The following MAF variants were observed in gnomAD, a reference collection of about 807,000 sequenced individuals.
MAF encodes the protein transcription factor Maf.
In MAF, 10 loss-of-function variants were observed where a neutral mutation model predicts 22.0. The observed-to-expected ratio is 0.45, with a 90% confidence interval of 0.28 to 0.77. The LOEUF (loss-of-function observed/expected upper bound fraction) is 0.77, where lower values mean the gene tolerates loss of function less well. Among genes scored for constraint, MAF ranks in the 30% least tolerant of loss-of-function variants. The pLI is 0.12. For synonymous variants in MAF, 337 were observed against 255.8 expected (o/e 1.32, Z -3.03); for missense variants, 544 against 548.4 (o/e 0.99, Z 0.08).
At chr16:79,483,331 G>A in the MAF span, among the ~76,000 whole-genome samples, 4 of 140,230 alleles carry the variant, frequency 2.9e-5, no homozygotes, top group South Asian at 2.5e-4. Flanking sequence ...CACTGTGTGA[G>A]GAAATAGGGA....
the MAF span, among the ~76,000 whole-genome samples, chr16:79,477,428 G>A: frequency 2.0e-5 from 3 of 152,168 alleles, no homozygotes; most frequent in African/African-American, 7.2e-5. Context: ...GAGCCTGGCT[G>A]TCTTGCGTAG....
the MAF span, among the ~76,000 whole-genome samples, chr16:79,559,502 C>T: frequency 6.6e-6 from 1 of 152,158 alleles, no homozygotes; most frequent in Non-Finnish European, 1.5e-5. Context: ...GTTTCTCTGC[C>T]TTCCGTTCTA....
At chr16:79,498,204 T>C in the MAF span, among the ~76,000 whole-genome samples, 8 of 152,268 alleles carry the variant, frequency 5.3e-5, no homozygotes, top group East Asian at 1.4e-3. Flanking sequence ...CCATAGATTA[T>C]AACAACTTAG....
chr16:79,272,200 G>T, the MAF span, among the ~76,000 whole-genome samples: 343 of 152,318 alleles, frequency 2.3e-3, 1 homozygote, highest in Middle Eastern at 0.014. Flanking sequence ...CTCTGAACGC[G>T]CTCAGAGACA....
the MAF span, among the ~76,000 whole-genome samples, chr16:79,410,490 C>T: frequency 6.6e-6 from 1 of 152,198 alleles, no homozygotes; most frequent in Non-Finnish European, 1.5e-5. Flanking sequence ...CCTATGTGGT[C>T]CACAGATAAT....
the MAF span, among the ~76,000 whole-genome samples, chr16:79,381,803 G>C: frequency 5.9e-5 from 9 of 152,260 alleles, no homozygotes; most frequent in East Asian, 1.7e-3. Context: ...GAACACATTG[G>C]CCCTGATTGG....
the MAF span, among the ~76,000 whole-genome samples, chr16:79,222,757 G>A: frequency 6.6e-6 from 1 of 152,054 alleles, no homozygotes; most frequent in Non-Finnish European, 1.5e-5. Context: ...AAACCAACAA[G>A]ATCAAAAGAG....
the MAF span, among the ~76,000 whole-genome samples, chr16:79,401,577 T>A: frequency 1.2e-4 from 19 of 152,230 alleles, 1 homozygote; most frequent in Middle Eastern, 3.4e-3. Flanking sequence ...GACATTAAAT[T>A]AATTAGTGGA....
the MAF span, among the ~76,000 whole-genome samples, chr16:79,364,920 A>C: frequency 6.6e-6 from 1 of 152,226 alleles, no homozygotes; most frequent in Non-Finnish European, 1.5e-5. Flanking sequence ...GCATTCAGTG[A>C]TTCAAGAGTT....
At chr16:79,510,566 A>G in the MAF span, among the ~76,000 whole-genome samples, 1 of 152,104 alleles carries the variant, frequency 6.6e-6, no homozygotes, top group Non-Finnish European at 1.5e-5. Context: ...CACACTTTTA[A>G]GGCAGTTGCT....
intron 1 of MAF, chr16:79,597,067 C>A: frequency 9.5e-7 from 1 of 1,057,612 alleles, no homozygotes; most frequent in South Asian, 4.6e-5. Context: ...ATAGCAAAGA[C>A]TACACATACC....
the MAF span, among the ~76,000 whole-genome samples, chr16:79,485,374 A>G: frequency 6.6e-6 from 1 of 152,128 alleles, no homozygotes; most frequent in African/African-American, 2.4e-5. Context: ...CTTCTCTGTC[A>G]CCCATTTGTT....
chr16:79,445,327 G>A, the MAF span, among the ~76,000 whole-genome samples: 4 of 152,278 alleles, frequency 2.6e-5, no homozygotes, highest in South Asian at 2.1e-4. Context: ...ACAGGCGTGA[G>A]CCACTGCGCC....
At chr16:79,498,984 T>C in the MAF span, among the ~76,000 whole-genome samples, 1 of 152,140 alleles carries the variant, frequency 6.6e-6, no homozygotes, top group Non-Finnish European at 1.5e-5. Context: ...AGATTCTCCA[T>C]CTGGATTTTT....
At chr16:79,533,921 G>T in the MAF span, among the ~76,000 whole-genome samples, 3 of 152,148 alleles carry the variant, frequency 2.0e-5, no homozygotes, top group South Asian at 2.1e-4. Flanking sequence ...CAAGATCCAG[G>T]GTGCCCAGAG....
At chr16:79,297,016 G>T in the MAF span, among the ~76,000 whole-genome samples, 2 of 152,184 alleles carry the variant, frequency 1.3e-5, no homozygotes, top group Non-Finnish European at 2.9e-5. Context: ...CGGTGTCTTT[G>T]CTGCTCTGTG....
the MAF span, among the ~76,000 whole-genome samples, chr16:79,345,830 T>G: frequency 0.51 from 77,546 of 150,994 alleles, 20,971 homozygotes; most frequent in Non-Finnish European, 0.6. Flanking sequence ...ACCAGCTGCA[T>G]ATTGCTGGAG....
chr16:79,467,161 T>C, the MAF span, among the ~76,000 whole-genome samples: 4 of 152,278 alleles, frequency 2.6e-5, no homozygotes, highest in African/African-American at 9.6e-5. Context: ...CAAGGGTCCC[T>C]CCCAAATTCA....
At chr16:79,326,389 C>G in the MAF span, among the ~76,000 whole-genome samples, 1 of 152,178 alleles carries the variant, frequency 6.6e-6, no homozygotes, top group African/African-American at 2.4e-5. Flanking sequence ...GTTCTACCCC[C>G]ATTTAAACTT....
Sources: allele counts gnomAD v4.1 joint callset (sites outside exome capture counted in the v4.1 genomes callset), GRCh38; gene constraint gnomAD v4.1.1; transcripts MANE v1.5; gene names NCBI Gene and HGNC (gene_info 2026-07-23, HGNC 2026-07-21).